Variants in PDZRN3 observed in about 807,000 individuals in gnomAD.
The protein encoded by PDZRN3 is PDZ domain containing ring finger 3.
PDZRN3 carries 38 observed loss-of-function variants against 85.7 expected under a neutral mutation model. The ratio of observed to expected loss-of-function variants is 0.44; its 90% CI spans 0.34 to 0.58. The LOEUF (loss-of-function observed/expected upper bound fraction) is 0.58. Among genes scored for constraint, PDZRN3 ranks in the 20% least tolerant of loss-of-function variants. PDZRN3 has a pLI of 0.01. For synonymous variants in PDZRN3, 759 were observed against 638.0 expected (o/e 1.19, Z -2.86); for missense variants, 1,629 against 1,506.4 (o/e 1.08, Z -1.35).
At chr3:73,403,090 A>G (rs182143589) in intron 4 of PDZRN3, among the ~76,000 whole-genome samples, 31 of 151,962 alleles carry the variant, frequency 2.0e-4, no homozygotes, top group Middle Eastern at 3.4e-3. Context: ...ACTACAGGTG[A>G]CCGCCACCAC....
At chr3:73,582,542 GATT>G (rs1702216537) in intron 3 of PDZRN3, among the ~76,000 whole-genome samples, 1 of 151,950 alleles carries the variant, frequency 6.6e-6, no homozygotes, top group Non-Finnish European at 1.5e-5. Context: ...TTTTTATGAT[GATT>G]ATTGTTTATA....
At chr3:73,577,341 C>G (rs1702140376) in intron 3 of PDZRN3, among the ~76,000 whole-genome samples, 4 of 152,180 alleles carry the variant, frequency 2.6e-5, no homozygotes, top group Admixed American at 2.0e-4. Flanking sequence ...TGCAACCCCA[C>G]ACGTAATCAG....
chr3:73,408,243 C>T lies in PDZRN3; in HGVS notation c.919-3848G>A, dbSNP rs183270883. ...GGGCTTTGGGCAATTTAACTGTTCT[C>T]AGTTCCAGTTTTCTCATCTGCAAAA... On this transcript the variant is annotated intron_variant, in intron 3 of 9. Transcript: ENST00000263666. 8.0e-5 allele frequency: 56 copies of T among 702,448 alleles called. No homozygotes were observed. The East Asian group carries it at 1.5e-3, about 19-fold the overall frequency. 43.5% of individuals were successfully genotyped at this position (702,448 alleles called of 1,614,324 possible).
At chr3:73,477,090 G>A (rs981608383) in intron 3 of PDZRN3, among the ~76,000 whole-genome samples, 4 of 152,074 alleles carry the variant, frequency 2.6e-5, no homozygotes, top group African/African-American at 4.8e-5. Flanking sequence ...GAACTATCTT[G>A]CTTAATAATG....
intron 3 of PDZRN3, among the ~76,000 whole-genome samples, chr3:73,405,112 C>T (rs988193307): frequency 1.3e-5 from 2 of 152,150 alleles, no homozygotes; most frequent in African/African-American, 4.8e-5. Context: ...CATCATAGTC[C>T]TGTGAAGTTG....
At chr3:73,462,652 G>A (rs748822273) in intron 3 of PDZRN3, among the ~76,000 whole-genome samples, 22 of 151,816 alleles carry the variant, frequency 1.4e-4, no homozygotes, top group Non-Finnish European at 2.9e-4. Flanking sequence ...TGGGTGTGAT[G>A]GCATGTCAAG....
chr3:73,385,924 G>A, intron 8 of PDZRN3, 139 bp from the exon 9 acceptor site: 2 of 618,182 alleles, frequency 3.2e-6, no homozygotes, highest in Non-Finnish European at 5.8e-6. Context: ...TCTGCCCAAT[G>A]ATTTGCTGTT....
chr3:73,474,185 G>T (rs1392810318), intron 3 of PDZRN3, among the ~76,000 whole-genome samples: 1 of 152,096 alleles, frequency 6.6e-6, no homozygotes, highest in Non-Finnish European at 1.5e-5. Context: ...CACGTTGATA[G>T]GCACTTTCAG....
At chr3:73,564,023 C>A (rs376766713) in intron 3 of PDZRN3, among the ~76,000 whole-genome samples, 1 of 152,098 alleles carries the variant, frequency 6.6e-6, no homozygotes, top group Non-Finnish European at 1.5e-5. Flanking sequence ...TTCTGGGCTG[C>A]TGTGAGCACG....
intron 3 of PDZRN3, among the ~76,000 whole-genome samples, chr3:73,423,714 T>C (rs1702248619): frequency 6.6e-6 from 1 of 152,248 alleles, no homozygotes; most frequent in Non-Finnish European, 1.5e-5. Flanking sequence ...TTTTGTACTT[T>C]TTGTAAAGAT....
chr3:73,624,561 A>C lies in PDZRN3; in HGVS notation c.265T>G (p.Cys89Gly). 6.5e-7 allele frequency: 1 copy of C among 1,529,170 alleles called. No individual in the cohort carries two copies. Among genetic ancestry groups the C allele is most frequent in the Non-Finnish European group, 8.7e-7 (1 of 1,143,576 alleles). 94.7% of individuals were successfully genotyped at this position (1,529,170 alleles called of 1,614,324 possible). A position where few individuals can be genotyped will look rare whatever the true frequency, so the allele number is the denominator to read the frequency against. The change falls in exon 1 of 10, where the codon TGC becomes GGC. Residue 89 changes from cysteine to glycine, a missense_variant. Transcript: ENST00000263666. ...DIKCAYATRG[C>G]GRVVKLQQLP... ...TGCTGCAGCTTGACCACCCGGCCGC[A>C]GCCGCGCGTCGCGTACGCGCACTTG...
At chr3:73,510,571 C>T (rs1280777143) in intron 3 of PDZRN3, among the ~76,000 whole-genome samples, 7 of 152,146 alleles carry the variant, frequency 4.6e-5, no homozygotes, top group Admixed American at 1.3e-4. Flanking sequence ...GAAAACATAA[C>T]ATTCATAGAG....
At chr3:73,489,576 T>TTTTTTTTTTTC (rs1491092186) in intron 3 of PDZRN3, among the ~76,000 whole-genome samples, 3 of 15,660 alleles carry the variant, frequency 1.9e-4, no homozygotes, top group South Asian at 4.0e-3. Flanking sequence ...GTTTCTTTTC[T>TTTTTTTTTTTC]TTTTTTTTTT....
At chr3:73,610,729 C>A (rs1702671417) in intron 1 of PDZRN3, among the ~76,000 whole-genome samples, 1 of 152,078 alleles carries the variant, frequency 6.6e-6, no homozygotes, top group Admixed American at 6.5e-5. Context: ...GTTTGACAAT[C>A]TCAAGTGATG....
At chr3:73,474,848 C>G (rs1160734033) in intron 3 of PDZRN3, among the ~76,000 whole-genome samples, 2 of 152,140 alleles carry the variant, frequency 1.3e-5, no homozygotes, top group Admixed American at 1.3e-4. Flanking sequence ...AGCCTCATAA[C>G]ACAGTCCTTC....
chr3:73,534,003 T>A (rs976692194), intron 3 of PDZRN3, among the ~76,000 whole-genome samples: 4 of 152,240 alleles, frequency 2.6e-5, no homozygotes, highest in Non-Finnish European at 5.9e-5. Flanking sequence ...TGGCAGTTAT[T>A]ATTTTCTATT....
chr3:73,514,889 C>G (rs78476291), intron 3 of PDZRN3, among the ~76,000 whole-genome samples: 1 of 152,094 alleles, frequency 6.6e-6, no homozygotes, highest in Non-Finnish European at 1.5e-5. Flanking sequence ...AATTCTGTAC[C>G]GGAGATATTA....
intron 3 of PDZRN3, among the ~76,000 whole-genome samples, chr3:73,549,202 C>T (rs1274320570): frequency 1.3e-5 from 2 of 152,190 alleles, no homozygotes; most frequent in African/African-American, 2.4e-5. Flanking sequence ...ATAACGAGTG[C>T]TCTGTTCATG....
rs1703266626 is a variant in PDZRN3 at position 73,382,832 on chromosome 3, G to GTATT, written c.*529_*532dup. 2 of 154,250 alleles carry GTATT rather than the reference G, an allele frequency of 1.3e-5. No individual in the cohort carries two copies. The highest frequency in any genetic ancestry group is 1.3e-4 in the Admixed American group (2 of 15,604). 9.6% of individuals were successfully genotyped at this position (154,250 alleles called of 1,614,324 possible). ...CTAAACGCTGCCGGTTTGGTTATAT[G>GTATT]TATTAAATCGTTAACCACCGGGTTG... On this transcript the variant is annotated 3_prime_UTR_variant, in exon 10 of 10. Transcript: ENST00000263666.
Sources: allele counts gnomAD v4.1 joint callset (sites outside exome capture counted in the v4.1 genomes callset), GRCh38; gene constraint gnomAD v4.1.1; transcripts MANE v1.5; gene names NCBI Gene and HGNC (gene_info 2026-07-23, HGNC 2026-07-21).